TRAK1: variants seen among roughly 807,000 people sequenced by gnomAD.
TRAK1 encodes trafficking kinesin-binding protein 1.
In TRAK1, 33 loss-of-function variants were observed where a neutral mutation model predicts 92.1. The ratio of observed to expected loss-of-function variants is 0.36; its 90% CI spans 0.27 to 0.48. TRAK1 has a LOEUF of 0.48. Among genes scored for constraint, TRAK1 ranks in the 20% least tolerant of loss-of-function variants. The pLI is 0.99. For synonymous variants in TRAK1, 521 were observed against 517.3 expected, an observed-to-expected ratio of 1.01 and a Z score of -0.10; for missense variants, 1,123 against 1,257.9, an observed-to-expected ratio of 0.89 and a Z score of 1.62.
chr3:42,149,320 C>T (rs991162220), intron 2 of TRAK1: 4 of 1,423,364 alleles, frequency 2.8e-6, no homozygotes, highest in Non-Finnish European at 3.7e-6. Context: ...CCTTTCTGCT[C>T]CTCCTACTCC....
rs572027508 is a variant in TRAK1 at position 42,220,494 on chromosome 3, C to T, written c.2066+898C>T. ...GCACCTTAAACTATGAATAATTCTCCGCAGGTCATGTGAGGAGGACGACGA... is the reference window on the plus strand; with the variant it reads ...GCACCTTAAACTATGAATAATTCTCTGCAGGTCATGTGAGGAGGACGACGA... On this transcript the variant is annotated intron_variant, in intron 15 of 15. Coordinates refer to ENST00000327628, the MANE Select transcript of TRAK1 (RefSeq NM_001042646.3). The T allele has an allele frequency of 1.6e-5, 16 of 985,374 alleles. No homozygotes were observed. The East Asian group carries it at 4.5e-4, about 28-fold the overall frequency. The allele number at this position is 985,374 out of a possible 1,614,324, so 61.0% of individuals were successfully genotyped here. A position where few individuals can be genotyped will look rare whatever the true frequency, so the allele number is the denominator to read the frequency against.
intron 14 of TRAK1, chr3:42,211,965 T>G (rs1044616700): frequency 1.0e-6 from 1 of 985,426 alleles, no homozygotes; most frequent in Admixed American, 6.1e-5. Flanking sequence ...GTCTGATCAT[T>G]TAGATGAGAG....
rs565399421 is a variant in TRAK1 at position 42,204,697 on chromosome 3, G to A, written c.1744+1945G>A. On this transcript the variant is annotated intron_variant, in intron 13 of 15. Transcript: ENST00000327628. ...ATTCCTGGGCTCAAGCAATCCTCCC[G>A]CCTCAGCTTCCCAAGTAGCTAGGAC... Among the ~76,000 whole-genome samples the A allele has an allele frequency of 1.1e-4, 17 of 152,200 alleles. 1 individual carries two copies. The East Asian group carries it at 2.3e-3, about 21-fold the overall frequency.
At chr3:42,070,324 A>G (rs1703881859) in intron 1 of TRAK1, among the ~76,000 whole-genome samples, 2 of 150,034 alleles carry the variant, frequency 1.3e-5, no homozygotes, top group African/African-American at 4.9e-5. Context: ...ATTAATTGCC[A>G]GTTTGACAGA....
intron 9 of TRAK1, 87 bp downstream of exon 9, chr3:42,193,985 G>A (rs930494926): frequency 3.2e-5 from 37 of 1,139,278 alleles, no homozygotes; most frequent in East Asian, 2.4e-4. Flanking sequence ...CACGTCCATC[G>A]CAACTACTGT....
intron 1 of TRAK1, among the ~76,000 whole-genome samples, chr3:42,047,322 A>G (rs1702792866): frequency 6.6e-6 from 1 of 151,004 alleles, no homozygotes; most frequent in South Asian, 2.1e-4. Context: ...CAGCCTTCCA[A>G]GAAGCTGGGA....
chr3:42,214,289 A>C (rs190969932), intron 14 of TRAK1, among the ~76,000 whole-genome samples: 5 of 152,294 alleles, frequency 3.3e-5, no homozygotes, highest in Non-Finnish European at 5.9e-5. Context: ...TGCCTAGTGA[A>C]GCACAGGTGA....
At chr3:42,165,953 C>T (rs931050028) in intron 2 of TRAK1, among the ~76,000 whole-genome samples, 1 of 152,006 alleles carries the variant, frequency 6.6e-6, no homozygotes, top group African/African-American at 2.4e-5. Flanking sequence ...ATTTTGGGGT[C>T]CTTTTGCCAC....
chr3:42,071,072 A>G (rs1382554134), intron 1 of TRAK1, among the ~76,000 whole-genome samples: 2 of 152,074 alleles, frequency 1.3e-5, no homozygotes, highest in East Asian at 1.9e-4. Context: ...CCTTGGGGTA[A>G]TGCACCCAGG....
intron 12 of TRAK1, 38 bp downstream of exon 12, chr3:42,201,092 G>A (rs780970578): frequency 1.3e-6 from 2 of 1,591,860 alleles, no homozygotes; most frequent in Non-Finnish European, 1.7e-6. Flanking sequence ...CTGTTTTGGG[G>A]TGAGGAGTGG....
intron 1 of TRAK1, among the ~76,000 whole-genome samples, chr3:42,117,058 G>C (rs1394082590): frequency 1.3e-5 from 2 of 152,248 alleles, no homozygotes; most frequent in East Asian, 3.9e-4. Context: ...CTCTTGGGTG[G>C]AGTCAGCATG....
intron 13 of TRAK1, chr3:42,204,262 T>C: frequency 3.0e-6 from 3 of 984,710 alleles, no homozygotes; most frequent in Non-Finnish European, 3.6e-6. Context: ...CTGTCTTGTC[T>C]GCTTTCTATA....
chr3:42,160,248 C>G, intron 2 of TRAK1: 1 of 1,531,500 alleles, frequency 6.5e-7, no homozygotes, highest in Non-Finnish European at 8.8e-7. Flanking sequence ...CAGGCCAGGG[C>G]GCAGTGTGTG....
intron 2 of TRAK1, among the ~76,000 whole-genome samples, chr3:42,158,939 A>G (rs201153715): frequency 6.7e-6 from 1 of 148,196 alleles, no homozygotes; most frequent in East Asian, 2.0e-4. Context: ...AGCCTGGGCG[A>G]CAAAGCAAGA....
intron 14 of TRAK1, chr3:42,210,347 A>G: frequency 1.4e-6 from 2 of 1,442,508 alleles, no homozygotes; most frequent in Non-Finnish European, 1.8e-6. Context: ...TCCCCTGCCC[A>G]TCTTGGAGGT....
At chr3:42,204,038 T>G in intron 13 of TRAK1, 5 of 985,050 alleles carry the variant, frequency 5.1e-6, no homozygotes, top group Non-Finnish European at 6.0e-6. Flanking sequence ...TTTATTATTA[T>G]TTTAAAATTG....
At chr3:42,189,945 AT>A (rs796627257) in intron 6 of TRAK1, among the ~76,000 whole-genome samples, 25 of 148,632 alleles carry the variant, frequency 1.7e-4, no homozygotes, top group Non-Finnish European at 2.7e-4. Flanking sequence ...TTTTGCCCAC[AT>A]TTTTTTTTTA....
chr3:42,111,961 G>A (rs1468647716), intron 1 of TRAK1, among the ~76,000 whole-genome samples: 2 of 146,380 alleles, frequency 1.4e-5, no homozygotes, highest in South Asian at 2.2e-4. Context: ...CACACTTCCC[G>A]AGCTTCTCCC....
At chr3:42,194,284 AC>A (rs1178715357) in intron 9 of TRAK1, among the ~76,000 whole-genome samples, 2 of 151,946 alleles carry the variant, frequency 1.3e-5, no homozygotes, top group African/African-American at 2.4e-5. Flanking sequence ...TCATTCTGTC[AC>A]CCAGGCTGGA....
Sources: allele counts gnomAD v4.1 joint callset (sites outside exome capture counted in the v4.1 genomes callset), GRCh38; gene constraint gnomAD v4.1.1; transcripts MANE v1.5; gene names NCBI Gene and HGNC (gene_info 2026-07-23, HGNC 2026-07-21).